Variants in ACTR3C observed in about 807,000 individuals in gnomAD.
ACTR3C encodes actin-related protein 3C.
A neutral mutation model predicts 26.3 loss-of-function variants in ACTR3C; 18 were observed. The observed-to-expected ratio is 0.68, with a 90% CI of 0.47 to 1.01. The LOEUF (loss-of-function observed/expected upper bound fraction) is 1.01, where lower values mean the gene tolerates loss of function less well. ACTR3C is among the 50% of genes least tolerant of loss of function. ACTR3C has a pLI of 0.00. For missense variants in ACTR3C, 184 were observed against 250.7 expected (o/e 0.73, Z 1.80); for synonymous variants, 55 against 94.5 (o/e 0.58, Z 2.42).
At chr7:149,958,931 C>T in the ACTR3C span, among the ~76,000 whole-genome samples, 2 of 152,172 alleles carry the variant, frequency 1.3e-5, no homozygotes, top group Non-Finnish European at 2.9e-5. Context: ...TCAGCTAAGG[C>T]CTCTGAGGCA....
chr7:149,922,934 G>C, the ACTR3C span, among the ~76,000 whole-genome samples: 1 of 124,504 alleles, frequency 8.0e-6, no homozygotes, highest in African/African-American at 3.0e-5. Context: ...TAAATTTGTT[G>C]ACTACTAATA....
At chr7:150,201,751 CAAA>C in the ACTR3C span, among the ~76,000 whole-genome samples, 1 of 118,156 alleles carries the variant, frequency 8.5e-6, no homozygotes, top group Non-Finnish European at 1.9e-5. Flanking sequence ...AGAGTGAATC[CAAA>C]AAAAAAAAAA....
chr7:150,285,288 A>T (rs924568941), intron 5 of ACTR3C, among the ~76,000 whole-genome samples: 4 of 152,234 alleles, frequency 2.6e-5, no homozygotes, highest in Admixed American at 2.0e-4. Flanking sequence ...CTGGTCTAGA[A>T]GATGCAGGGA....
the ACTR3C span, among the ~76,000 whole-genome samples, chr7:150,029,385 C>G: frequency 7.7e-6 from 1 of 130,116 alleles, no homozygotes; most frequent in Non-Finnish European, 1.6e-5. Context: ...CATAGGAAGA[C>G]TCAATCTTTA....
At chr7:149,907,485 T>TCTCTCTCTCTCTCC in the ACTR3C span, among the ~76,000 whole-genome samples, 2 of 64,980 alleles carry the variant, frequency 3.1e-5, no homozygotes, top group African/African-American at 8.8e-5. Context: ...CTCTTCTCTC[T>TCTCTCTCTCTCTCC]CTCTCTCTCT....
chr7:150,236,628 AC>A, the ACTR3C span, among the ~76,000 whole-genome samples: 1 of 152,166 alleles, frequency 6.6e-6, no homozygotes, highest in East Asian at 1.9e-4. Context: ...TGATTACATA[AC>A]CCCAGGCTAG....
chr7:150,024,320 G>A, the ACTR3C span, among the ~76,000 whole-genome samples: 17 of 152,214 alleles, frequency 1.1e-4, no homozygotes, highest in South Asian at 3.1e-3. Context: ...GAGGACCCAC[G>A]GGAGGGTGGA....
At chr7:150,300,134 T>C (rs1795312154) in intron 1 of ACTR3C, among the ~76,000 whole-genome samples, 1 of 152,124 alleles carries the variant, frequency 6.6e-6, no homozygotes, top group Non-Finnish European at 1.5e-5. Flanking sequence ...GGGCGGATCA[T>C]GAGCTCAGGA....
the ACTR3C span, among the ~76,000 whole-genome samples, chr7:150,118,397 G>T: frequency 6.6e-6 from 1 of 151,804 alleles, no homozygotes; most frequent in African/African-American, 2.4e-5. Context: ...TAAATGACCT[G>T]ATGGAGCTGA....
chr7:150,105,669 T>C, the ACTR3C span, among the ~76,000 whole-genome samples: 1 of 152,050 alleles, frequency 6.6e-6, no homozygotes, highest in Non-Finnish European at 1.5e-5. Flanking sequence ...TACTTATAAA[T>C]GTAAAAGACA....
chr7:150,020,490 G>A, the ACTR3C span, among the ~76,000 whole-genome samples: 1 of 152,042 alleles, frequency 6.6e-6, no homozygotes, highest in Admixed American at 6.5e-5. Context: ...ACTGGAGACT[G>A]AGGGTACACC....
the ACTR3C span, among the ~76,000 whole-genome samples, chr7:149,890,032 C>T: frequency 6.6e-6 from 1 of 152,090 alleles, no homozygotes; most frequent in African/African-American, 2.4e-5. Context: ...TACATATATT[C>T]GTTATAGAGT....
the ACTR3C span, among the ~76,000 whole-genome samples, chr7:150,039,695 C>CT: frequency 4.1e-5 from 5 of 120,624 alleles, no homozygotes; most frequent in Non-Finnish European, 9.8e-5. Flanking sequence ...GGGTCCTAAG[C>CT]CGGGGGGGAA....
At chr7:149,917,105 C>T in the ACTR3C span, among the ~76,000 whole-genome samples, 4,738 of 148,876 alleles carry the variant, frequency 0.032, 275 homozygotes, top group African/African-American at 0.11. Context: ...GATGGAGTTC[C>T]GCTCTTGTTG....
At chr7:149,968,199 C>T in the ACTR3C span, among the ~76,000 whole-genome samples, 1 of 152,232 alleles carries the variant, frequency 6.6e-6, no homozygotes, top group Non-Finnish European at 1.5e-5. Context: ...TGGCTGCTGT[C>T]AGATGAGACA....
At chr7:150,158,793 C>T in the ACTR3C span, among the ~76,000 whole-genome samples, 5 of 151,526 alleles carry the variant, frequency 3.3e-5, no homozygotes, top group Admixed American at 3.3e-4. Context: ...ATCACACATA[C>T]ACACACACAC....
At chr7:150,214,039 A>G in the ACTR3C span, among the ~76,000 whole-genome samples, 11 of 149,558 alleles carry the variant, frequency 7.4e-5, no homozygotes, top group African/African-American at 2.7e-4. Context: ...ATGGGCTACA[A>G]GAGGATAAAA....
intron 6 of ACTR3C, among the ~76,000 whole-genome samples, chr7:150,263,977 C>A (rs183789130): frequency 1.1e-3 from 164 of 152,322 alleles, no homozygotes; most frequent in African/African-American, 3.7e-3. Context: ...GAGCTCTCAG[C>A]GGGGGCTAAG....
chr7:150,015,314 T>C, the ACTR3C span, among the ~76,000 whole-genome samples: 4 of 152,170 alleles, frequency 2.6e-5, no homozygotes, highest in Admixed American at 2.0e-4. Flanking sequence ...CAGTCTCTGA[T>C]GTTTTGCAGA....
Sources: gnomAD v4.1 joint callset for allele counts (sites outside exome capture counted in the v4.1 genomes callset) on GRCh38, gnomAD v4.1.1 for gene constraint, MANE v1.5 for transcripts, NCBI Gene and HGNC (gene_info 2026-07-23, HGNC 2026-07-21) for gene names.